Variants in MICAL2 observed in about 807,000 individuals in gnomAD.
MICAL2 encodes [F-actin]-monooxygenase MICAL2.
A neutral mutation model predicts 127.3 loss-of-function variants in MICAL2; 77 were observed. The ratio of observed to expected loss-of-function variants is 0.60; its 90% confidence interval spans 0.50 to 0.73. The LOEUF (loss-of-function observed/expected upper bound fraction) is 0.73. MICAL2 is among the 30% of genes least tolerant of loss of function. The pLI is 0.00. For missense variants in MICAL2, 1,351 were observed against 1,434.4 expected (o/e 0.94, Z 0.94); for synonymous variants, 570 against 551.1 (o/e 1.03, Z -0.48).
chr11:12,353,748 A>C (rs774857584), intron 33 of MICAL2, among the ~76,000 whole-genome samples: 1 of 152,002 alleles, frequency 6.6e-6, no homozygotes. Flanking sequence ...AGCCCCCAGC[A>C]CTCAAGCCTG....
At chr11:12,204,879 G>GAATT (rs1010064782) in intron 4 of MICAL2, among the ~76,000 whole-genome samples, 9 of 152,314 alleles carry the variant, frequency 5.9e-5, no homozygotes, top group African/African-American at 2.2e-4. Context: ...CTTGCTAAAG[G>GAATT]AATTTGGAGG....
intron 3 of MICAL2, among the ~76,000 whole-genome samples, chr11:12,166,056 A>T (rs1349239034): frequency 6.6e-6 from 1 of 152,218 alleles, no homozygotes; most frequent in Admixed American, 6.5e-5. Context: ...CGAATGTTAC[A>T]CCCGACTGAG....
At chr11:12,170,009 A>G (rs1298062651) in intron 3 of MICAL2, among the ~76,000 whole-genome samples, 2 of 152,172 alleles carry the variant, frequency 1.3e-5, no homozygotes, top group African/African-American at 4.8e-5. Context: ...GTGACCTTGA[A>G]TGGGGCCACT....
At chr11:12,318,675 C>T (rs913096539) in intron 29 of MICAL2, among the ~76,000 whole-genome samples, 1 of 152,170 alleles carries the variant, frequency 6.6e-6, no homozygotes, top group African/African-American at 2.4e-5. Context: ...AATTTCGTAT[C>T]GTGGAGTCCT....
chr11:12,337,007 G>C (rs1938775897), intron 32 of MICAL2, among the ~76,000 whole-genome samples: 1 of 152,138 alleles, frequency 6.6e-6, no homozygotes, highest in Non-Finnish European at 1.5e-5. Context: ...TCTATTGATT[G>C]GAATAGTTTC....
intron 3 of MICAL2, among the ~76,000 whole-genome samples, chr11:12,198,317 C>G (rs1331938521): frequency 6.6e-6 from 1 of 152,200 alleles, no homozygotes; most frequent in African/African-American, 2.4e-5. Context: ...ATGCTTAGCA[C>G]AGTTCTTGTA....
At chr11:12,283,343 T>TAAAAAAAAAAAAAA (rs56832587) in intron 2 of MICAL2, among the ~76,000 whole-genome samples, 2 of 132,586 alleles carry the variant, frequency 1.5e-5, no homozygotes, top group Non-Finnish European at 3.2e-5. Flanking sequence ...GTGTGGAGTT[T>TAAAAAAAAAAAAAA]AAAAAAAAAA....
intron 8 of MICAL2, among the ~76,000 whole-genome samples, chr11:12,219,401 G>A (rs1334909476): frequency 6.6e-6 from 1 of 151,882 alleles, no homozygotes; most frequent in East Asian, 1.9e-4. Flanking sequence ...ATAACAATTA[G>A]CACCAAAAGC....
At chr11:12,358,107 T>A (rs576391510) in intron 34 of MICAL2, among the ~76,000 whole-genome samples, 2 of 152,292 alleles carry the variant, frequency 1.3e-5, no homozygotes, top group African/African-American at 4.8e-5. Flanking sequence ...CTGAGTGAAC[T>A]GTTTCACCGC....
At chr11:12,134,407 G>T (rs1269348818) in intron 1 of MICAL2, among the ~76,000 whole-genome samples, 2 of 152,128 alleles carry the variant, frequency 1.3e-5, no homozygotes, top group South Asian at 4.1e-4. Flanking sequence ...TGGGTCTGAG[G>T]CTCCGTTCTC....
intron 4 of MICAL2, among the ~76,000 whole-genome samples, chr11:12,205,485 G>T (rs1854565296): frequency 6.6e-6 from 1 of 152,112 alleles, no homozygotes. Context: ...ATGGATTTTG[G>T]CATACTCAGG....
intron 4 of MICAL2, among the ~76,000 whole-genome samples, chr11:12,206,391 T>C (rs1017524409): frequency 2.6e-5 from 4 of 152,120 alleles, no homozygotes; most frequent in African/African-American, 9.7e-5. Flanking sequence ...ACAGGCAGAA[T>C]GATCATTGTC....
intron 1 of MICAL2, among the ~76,000 whole-genome samples, chr11:12,119,516 G>A (rs1850328684): frequency 1.3e-5 from 2 of 152,226 alleles, no homozygotes; most frequent in Admixed American, 1.3e-4. Context: ...CCAAGGAGGT[G>A]AAGGCAACTG....
At chr11:12,251,243 AGCCACAGTGAGTTTGAGGAGCAG>A (rs751936319) in intron 22 of MICAL2, among the ~76,000 whole-genome samples, 1 of 8,250 alleles carries the variant, frequency 1.2e-4, no homozygotes, top group Non-Finnish European at 2.3e-4. Flanking sequence ...CAGTGAGCTA[AGCCACAGTGAGTTTGAGGAGCAG>A]TGAGCTAGCA....
At chr11:12,333,780 C>A (rs756605039) in intron 32 of MICAL2, among the ~76,000 whole-genome samples, 1 of 151,996 alleles carries the variant, frequency 6.6e-6, no homozygotes. Context: ...ACATTAACAT[C>A]AAAAATATAA....
At chr11:12,309,305 C>T (rs548571364) in intron 29 of MICAL2, among the ~76,000 whole-genome samples, 1 of 152,168 alleles carries the variant, frequency 6.6e-6, no homozygotes, top group East Asian at 1.9e-4. Context: ...GTATTTTGTA[C>T]CCATTACCCA....
At chr11:12,285,913 T>G (rs1264106829) in intron 2 of MICAL2, among the ~76,000 whole-genome samples, 2 of 140,470 alleles carry the variant, frequency 1.4e-5, no homozygotes, top group African/African-American at 5.0e-5. Context: ...CGTTCATGCT[T>G]CCTGGCCCTG....
intron 1 of MICAL2, among the ~76,000 whole-genome samples, chr11:12,114,259 A>G (rs1291719116): frequency 6.6e-6 from 1 of 152,190 alleles, no homozygotes. Context: ...TTTGGCCTCT[A>G]TATAATCCAG....
At position 12,228,085 on chromosome 11, in the gene MICAL2, T is replaced by G. The variant is rs566703416; in HGVS notation, c.1995+954T>G. On this transcript the variant is annotated intron_variant, in intron 15 of 27. Transcript: ENST00000683283. ...GGCTCACGCCTGTAATCCCAGCACT[T>G]TGGGAGGCCAAGGCAGGCAGATCAC... Among the ~76,000 whole-genome samples, 296 of 152,280 alleles carry G rather than the reference T, an allele frequency of 1.9e-3. 1 individual carries two copies. Among genetic ancestry groups the G allele is most frequent in the African/African-American group, 6.9e-3 (288 of 41,560 alleles).
Sources: gnomAD v4.1 joint callset for allele counts (sites outside exome capture counted in the v4.1 genomes callset) on GRCh38, gnomAD v4.1.1 for gene constraint, MANE v1.5 for transcripts, NCBI Gene and HGNC (gene_info 2026-07-23, HGNC 2026-07-21) for gene names.